SS18L1: variants seen among roughly 807,000 people sequenced by gnomAD.
The protein encoded by SS18L1 is SS18L1 subunit of BAF chromatin remodeling complex.
SS18L1 carries 32 observed loss-of-function variants against 70.3 expected under a neutral mutation model. The ratio of observed to expected loss-of-function variants is 0.46; its 90% CI spans 0.34 to 0.61. The LOEUF is 0.61. SS18L1 is among the 20% of genes least tolerant of loss of function. The probability of loss-of-function intolerance (pLI) is 0.01; values close to 1 mark genes in which losing one functional copy is unlikely to be tolerated. For synonymous variants in SS18L1, 237 were observed against 229.7 expected, an observed-to-expected ratio of 1.03 and a Z score of -0.29; for missense variants, 430 against 542.1, an observed-to-expected ratio of 0.79 and a Z score of 2.05.
At chr20:62,155,171 C>T (rs1462016778) in intron 1 of SS18L1, among the ~76,000 whole-genome samples, 1 of 152,080 alleles carries the variant, frequency 6.6e-6, no homozygotes, top group Non-Finnish European at 1.5e-5. Flanking sequence ...GAGGCAGAGG[C>T]GGGCAGATCA....
At position 62,159,582 on chromosome 20, in the gene SS18L1, C is replaced by T. The variant is rs1255640602; in HGVS notation, c.147-295C>T. ...CGTGGCCTCCCCCCATCTCTATCCT[C>T]TGAACAGACCAATGCCAGCTTCCGC... On this transcript the variant is annotated intron_variant, in intron 2 of 10. Transcript: ENST00000331758. This position sits in a 1 kb window ranked among gnomAD's most constrained non-coding sequence, Gnocchi z 4.4. 1.3e-5 allele frequency among the ~76,000 whole-genome samples: 2 copies of T among 152,198 alleles called. No homozygotes were observed. The highest frequency in any genetic ancestry group is 3.9e-4 in the East Asian group (2 of 5,186).
intron 1 of SS18L1, among the ~76,000 whole-genome samples, chr20:62,146,136 AC>A (rs1232572741): frequency 6.6e-6 from 1 of 152,156 alleles, no homozygotes; most frequent in African/African-American, 2.4e-5. Context: ...CCTTGTCCTT[AC>A]AGCATTCTGT....
At chr20:62,144,323 C>T (rs867039836) in intron 1 of SS18L1, among the ~76,000 whole-genome samples, 1 of 152,186 alleles carries the variant, frequency 6.6e-6, no homozygotes, top group Admixed American at 6.5e-5. Flanking sequence ...TCGGTGGCGA[C>T]GGCGGGCGGT....
At chr20:62,165,087 C>A (rs2057403001) in intron 7 of SS18L1, among the ~76,000 whole-genome samples, 1 of 152,192 alleles carries the variant, frequency 6.6e-6, no homozygotes, top group Non-Finnish European at 1.5e-5. Flanking sequence ...GGGTTGGACA[C>A]CCCTGCCTGC....
chr20:62,148,749 C>T (rs2057076955), intron 1 of SS18L1, among the ~76,000 whole-genome samples: 1 of 152,274 alleles, frequency 6.6e-6, no homozygotes, highest in African/African-American at 2.4e-5. Flanking sequence ...TCTGTCCCCC[C>T]TCTGCCTGTA....
At chr20:62,165,897 CAG>C (rs148232075) in intron 8 of SS18L1, among the ~76,000 whole-genome samples, 11,093 of 152,288 alleles carry the variant, frequency 0.073, 495 homozygotes, top group South Asian at 0.19. Context: ...GAGCCACTCT[CAG>C]AGCTTCCTCA....
rs6142963 is a variant in SS18L1 at position 62,158,583 on chromosome 20, A to G, written c.70-89A>G. 105,379 of 1,542,584 alleles carry G rather than the reference A, an allele frequency of 0.068. 4,740 individuals are homozygous for G. Among genetic ancestry groups the G allele is most frequent in the South Asian group, 0.18 (15,431 of 86,156 alleles). ...TTCACGTAAGGGACGCTCAACCTATATGAAAACTAGATGTGTAGCGATGGC... is the reference window on the plus strand; with the variant it reads ...TTCACGTAAGGGACGCTCAACCTATGTGAAAACTAGATGTGTAGCGATGGC... On this transcript the variant is annotated intron_variant, in intron 1 of 10. Coordinates refer to ENST00000331758, the MANE Select transcript of SS18L1 (RefSeq NM_198935.3). The surrounding 1 kb of genome is among the most constrained non-coding windows in gnomAD (Gnocchi z 4.5).
Position 62,158,049 on chromosome 20 carries a change from C to T in SS18L1, c.70-623C>T, listed in dbSNP as rs1250077717. Among the ~76,000 whole-genome samples, 1 of 152,172 alleles carries T rather than the reference C, an allele frequency of 6.6e-6. No individual in the cohort carries two copies. Among genetic ancestry groups the T allele is most frequent in the Non-Finnish European group, 1.5e-5 (1 of 68,022 alleles). ...CTTGGGAGGGGGCAGTTACCTGTGCCCCACCCTGTGTGGTTGCAATTCGAG... is the reference window on the plus strand; with the variant it reads ...CTTGGGAGGGGGCAGTTACCTGTGCTCCACCCTGTGTGGTTGCAATTCGAG... On this transcript the variant is annotated intron_variant, in intron 1 of 10. Coordinates refer to ENST00000331758, the MANE Select transcript of SS18L1 (RefSeq NM_198935.3). The surrounding 1 kb of genome is among the most constrained non-coding windows in gnomAD (Gnocchi z 4.5).
rs762220227 is a variant in SS18L1, at chr20:62,143,776, G to T, written c.-45G>T. 1.3e-5 allele frequency: 17 copies of T among 1,325,730 alleles called. No individual in the cohort carries two copies. In the East Asian group the frequency reaches 3.1e-4, roughly 24 times the overall value. 82.1% of individuals were successfully genotyped at this position (1,325,730 alleles called of 1,614,324 possible). On this transcript the variant is annotated 5_prime_UTR_variant, in exon 1 of 11. Transcript: ENST00000331758. ...CGCCTCGGGCCGCCCAGCGCAGCCG[G>T]AGTATCCACCTCGATGACCACGGGC...
rs532542847 is a variant in SS18L1 at position 62,144,779 on chromosome 20, C to T, written c.69+890C>T. ...GTAGAAGACAGATTCGGAAGAAAAT[C>T]AGCATTAGCCATACCCGTTTCAGTT... is the stretch of plus-strand genomic sequence containing the variant. On this transcript the variant is annotated intron_variant, in intron 1 of 10. Transcript: ENST00000331758. Among the ~76,000 whole-genome samples the T allele has an allele frequency of 5.9e-5, 9 of 152,374 alleles. No homozygotes were observed. The South Asian group carries it at 1.9e-3, about 32-fold the overall frequency.
chr20:62,179,332 G>C lies in SS18L1; in HGVS notation c.*124G>C. 1 of 1,063,142 alleles carries C rather than the reference G, an allele frequency of 9.4e-7. No individual in the cohort carries two copies. The highest frequency in any genetic ancestry group is 1.4e-6 in the Non-Finnish European group (1 of 695,012). 65.9% of individuals were successfully genotyped at this position (1,063,142 alleles called of 1,614,324 possible). On this transcript the variant is annotated 3_prime_UTR_variant, in exon 11 of 11. Coordinates refer to ENST00000331758, the MANE Select transcript of SS18L1 (RefSeq NM_198935.3). The stretch of plus-strand genomic sequence containing the variant: ...TGTTCGCCCAGTGCCACGTCTGCAT[G>C]TGAAGCGTGCTCATTTCATGCTGGG...
intron 1 of SS18L1, among the ~76,000 whole-genome samples, chr20:62,151,487 C>T (rs1363393889): frequency 2.6e-5 from 4 of 152,176 alleles, no homozygotes; most frequent in African/African-American, 9.7e-5. Flanking sequence ...AACAGAGACA[C>T]GTTGGGGCCA....
At chr20:62,173,190 CCT>C (rs1393817190) in intron 9 of SS18L1, among the ~76,000 whole-genome samples, 1 of 152,234 alleles carries the variant, frequency 6.6e-6, no homozygotes, top group Non-Finnish European at 1.5e-5. Flanking sequence ...CCAGCTTCAA[CCT>C]CTTTGACAGA....
intron 1 of SS18L1, among the ~76,000 whole-genome samples, chr20:62,148,993 T>C (rs1161573866): frequency 1.3e-5 from 2 of 152,200 alleles, no homozygotes; most frequent in Non-Finnish European, 2.9e-5. Flanking sequence ...CAGGTGGTGC[T>C]CGCTAGCCGG....
At chr20:62,175,734 GT>G (rs971974904) in intron 10 of SS18L1, among the ~76,000 whole-genome samples, 5 of 152,230 alleles carry the variant, frequency 3.3e-5, no homozygotes, top group African/African-American at 1.2e-4. Context: ...GCCAAAGACT[GT>G]TTTTTAAATG....
chr20:62,153,444 T>C (rs1189643241), intron 1 of SS18L1, among the ~76,000 whole-genome samples: 4 of 152,082 alleles, frequency 2.6e-5, no homozygotes, highest in Admixed American at 2.0e-4. Context: ...TTAGGGCTGC[T>C]GACCTTACCT....
At position 62,174,415 on chromosome 20, in the gene SS18L1, T is replaced by C. The variant is rs2057584283; in HGVS notation, c.1037-102T>C. 6.7e-7 allele frequency: 1 copy of C among 1,497,920 alleles called. No individual in the cohort carries two copies. Among genetic ancestry groups the C allele is most frequent in the Admixed American group, 2.4e-5 (1 of 41,394 alleles). 92.8% of individuals were successfully genotyped at this position (1,497,920 alleles called of 1,614,324 possible). A position where few individuals can be genotyped will look rare whatever the true frequency, so the allele number is the denominator to read the frequency against. On this transcript the variant is annotated intron_variant, in intron 9 of 10. Coordinates refer to ENST00000331758, the MANE Select transcript of SS18L1 (RefSeq NM_198935.3). The surrounding 1 kb of genome is among the most constrained non-coding windows in gnomAD (Gnocchi z 4.1). ...GGCTGATGCATTGAGACGGGAATTT[T>C]TCAAGGAGAAGAGGAAGTTTTAAAA...
intron 1 of SS18L1, among the ~76,000 whole-genome samples, chr20:62,144,094 C>T (rs1454293419): frequency 6.7e-6 from 1 of 150,006 alleles, no homozygotes; most frequent in Non-Finnish European, 1.5e-5. Flanking sequence ...GGGGGCGGTC[C>T]CCGGAGAGCC....
chr20:62,154,376 T>C, intron 1 of SS18L1: 1 of 1,050,076 alleles, frequency 9.5e-7, no homozygotes, highest in Admixed American at 5.5e-5. Flanking sequence ...CCATTCCCCC[T>C]TCACGCCTGG....
Sources: allele counts gnomAD v4.1 joint callset (sites outside exome capture counted in the v4.1 genomes callset), GRCh38; gene constraint gnomAD v4.1.1; non-coding constraint Gnocchi (gnomAD v3.1); transcripts MANE v1.5; gene names NCBI Gene and HGNC (gene_info 2026-07-23, HGNC 2026-07-21).